The following NCK1 variants were observed in gnomAD, a reference collection of about 807,000 sequenced individuals.
The protein encoded by NCK1 is SH2/SH3 adapter protein NCK1.
NCK1 carries 19 observed loss-of-function variants against 36.6 expected under a neutral mutation model. That is an observed-to-expected ratio of 0.52 (90% CI 0.36 to 0.76). NCK1 has a LOEUF of 0.76. Ranked by LOEUF, NCK1 falls within the 30% of genes least tolerant of loss-of-function variation. The probability of loss-of-function intolerance (pLI) is 0.00; values close to 1 mark genes in which losing one functional copy is unlikely to be tolerated. For synonymous variants in NCK1, 165 were observed against 156.0 expected (o/e 1.06, Z -0.43); for missense variants, 358 against 445.6 (o/e 0.80, Z 1.77).
At chr3:136,924,535 G>A (rs528082955) in intron 1 of NCK1, among the ~76,000 whole-genome samples, 14 of 152,256 alleles carry the variant, frequency 9.2e-5, no homozygotes, top group Non-Finnish European at 2.1e-4. Flanking sequence ...AATACACTTA[G>A]CAAAAATTGA....
intron 2 of NCK1, 139 bp downstream of exon 2, chr3:136,928,366 G>A: frequency 1.3e-6 from 1 of 754,442 alleles, no homozygotes; most frequent in South Asian, 1.9e-5. Flanking sequence ...ATAGCAGGTG[G>A]TCAACCCAGA....
At chr3:136,879,081 A>G (rs533650413) in intron 1 of NCK1, among the ~76,000 whole-genome samples, 1 of 151,976 alleles carries the variant, frequency 6.6e-6, no homozygotes, top group South Asian at 2.1e-4. Flanking sequence ...CTTCTCATAT[A>G]AGAAACCTCT....
intron 1 of NCK1, among the ~76,000 whole-genome samples, chr3:136,885,307 A>G (rs1427151439): frequency 2.0e-5 from 3 of 152,194 alleles, no homozygotes; most frequent in Non-Finnish European, 4.4e-5. Flanking sequence ...AATAGAAATT[A>G]TAAAAGGAGG....
intron 1 of NCK1, among the ~76,000 whole-genome samples, chr3:136,887,030 G>C (rs925970718): frequency 1.3e-5 from 2 of 152,052 alleles, no homozygotes; most frequent in Non-Finnish European, 2.9e-5. Flanking sequence ...TATTAGTAGA[G>C]ACGGGGTTTC....
intron 1 of NCK1, among the ~76,000 whole-genome samples, chr3:136,920,388 C>A (rs1405848737): frequency 1.3e-5 from 2 of 152,110 alleles, no homozygotes; most frequent in Non-Finnish European, 2.9e-5. Context: ...TAGCACAATT[C>A]ATTCACTTAT....
chr3:136,906,461 C>G (rs1256619315), intron 1 of NCK1, among the ~76,000 whole-genome samples: 1 of 152,054 alleles, frequency 6.6e-6, no homozygotes, highest in Non-Finnish European at 1.5e-5. Flanking sequence ...AGCTCTCAGG[C>G]CCCAGTGGTG....
Position 136,946,315 on chromosome 3 carries a change from T to TA in NCK1, c.939+23dup. On this transcript the variant is annotated intron_variant, in intron 3 of 3. Coordinates refer to ENST00000481752, the MANE Select transcript of NCK1 (RefSeq NM_001291999.2). ...TCTTCGGTAAGTTGATTTTCGGAGG[T>TA]AAATACAAATAGAGCTCTGGGTATT... 1 of 1,569,644 alleles carries TA rather than the reference T, an allele frequency of 6.4e-7. No individual in the cohort carries two copies.
At chr3:136,921,437 T>C (rs1940106985) in intron 1 of NCK1, among the ~76,000 whole-genome samples, 1 of 152,192 alleles carries the variant, frequency 6.6e-6, no homozygotes, top group Non-Finnish European at 1.5e-5. Context: ...TTCTAAACTT[T>C]TGCTGTGGTA....
At chr3:136,947,268 T>C (rs561027223) in intron 3 of NCK1, among the ~76,000 whole-genome samples, 3 of 152,218 alleles carry the variant, frequency 2.0e-5, no homozygotes, top group African/African-American at 7.2e-5. Context: ...TGGCTCACTG[T>C]TTGAAACTTT....
intron 2 of NCK1, among the ~76,000 whole-genome samples, chr3:136,938,573 C>T (rs1007240798): frequency 6.6e-6 from 1 of 152,082 alleles, no homozygotes; most frequent in African/African-American, 2.4e-5. Context: ...TTTAAAATGG[C>T]CCCCAAGCAT....
chr3:136,889,985 C>T (rs1463179162), intron 1 of NCK1, among the ~76,000 whole-genome samples: 3 of 152,212 alleles, frequency 2.0e-5, no homozygotes, highest in Non-Finnish European at 1.5e-5. Flanking sequence ...CCTGCCAGTC[C>T]TGCGCTGTGT....
At chr3:136,914,284 T>C (rs1225845873) in intron 1 of NCK1, among the ~76,000 whole-genome samples, 2 of 152,184 alleles carry the variant, frequency 1.3e-5, no homozygotes, top group African/African-American at 4.8e-5. Flanking sequence ...TGCCTGGAGA[T>C]TGGGGAATGG....
chr3:136,876,807 T>C (rs1037674981), intron 1 of NCK1, among the ~76,000 whole-genome samples: 2 of 152,204 alleles, frequency 1.3e-5, no homozygotes, highest in Non-Finnish European at 2.9e-5. Flanking sequence ...AAGCAGTGTT[T>C]GGTATCCATG....
intron 1 of NCK1, among the ~76,000 whole-genome samples, chr3:136,911,061 T>A (rs1404628882): frequency 1.3e-5 from 2 of 152,212 alleles, no homozygotes; most frequent in Non-Finnish European, 2.9e-5. Flanking sequence ...TCCTCTAGGT[T>A]CATTTATGTT....
intron 3 of NCK1, chr3:136,946,796 C>T (rs1560057458): frequency 1.3e-5 from 2 of 152,450 alleles, no homozygotes; most frequent in South Asian, 4.1e-4. Flanking sequence ...TTATTATAAC[C>T]TCAAAAAACC....
At chr3:136,920,473 A>G (rs1940077471) in intron 1 of NCK1, among the ~76,000 whole-genome samples, 1 of 152,188 alleles carries the variant, frequency 6.6e-6, no homozygotes, top group Non-Finnish European at 1.5e-5. Context: ...AAAGAAAGAT[A>G]AGCAAAAAGT....
At chr3:136,938,903 T>G (rs1244412184) in intron 2 of NCK1, among the ~76,000 whole-genome samples, 1 of 152,224 alleles carries the variant, frequency 6.6e-6, no homozygotes, top group African/African-American at 2.4e-5. Flanking sequence ...CAACTGAATT[T>G]TGTTGAGGAT....
intron 1 of NCK1, among the ~76,000 whole-genome samples, chr3:136,918,254 A>G (rs1940015989): frequency 6.6e-6 from 1 of 152,132 alleles, no homozygotes; most frequent in South Asian, 2.1e-4. Flanking sequence ...GTTCATTTCT[A>G]TTAAGATAAA....
chr3:136,875,031 C>T (rs1938727257), intron 1 of NCK1, among the ~76,000 whole-genome samples: 1 of 152,106 alleles, frequency 6.6e-6, no homozygotes, highest in Non-Finnish European at 1.5e-5. Flanking sequence ...GGTGTTACGT[C>T]TATTTTTAAC....
Sources: gnomAD v4.1 joint callset for allele counts (sites outside exome capture counted in the v4.1 genomes callset) on GRCh38, gnomAD v4.1.1 for gene constraint, MANE v1.5 for transcripts, NCBI Gene and HGNC (gene_info 2026-07-23, HGNC 2026-07-21) for gene names.